CAMTA1: variants seen among roughly 807,000 people sequenced by gnomAD.
CAMTA1 encodes calmodulin-binding transcription activator 1.
A neutral mutation model predicts 170.9 loss-of-function variants in CAMTA1; 27 were observed. The observed-to-expected ratio is 0.16, with a 90% CI of 0.12 to 0.22. CAMTA1 has a LOEUF of 0.22. Among genes scored for constraint, CAMTA1 ranks in the 10% least tolerant of loss-of-function variants. The probability of loss-of-function intolerance (pLI) is 1.00; values close to 1 mark genes in which losing one functional copy is unlikely to be tolerated. For synonymous variants in CAMTA1, 833 were observed against 891.5 expected (o/e 0.93, Z 1.17); for missense variants, 1,619 against 2,217.2 (o/e 0.73, Z 5.42).
At position 7,007,710 on chromosome 1, in the gene CAMTA1, C is replaced by G. The variant is rs112753416; in HGVS notation, c.235-83594C>G. On this transcript the variant is annotated intron_variant, in intron 3 of 22. Transcript: ENST00000303635. This position sits in a 1 kb window ranked among gnomAD's most constrained non-coding sequence, Gnocchi z 4.5. ...CTGAAAGGACCCCCTGTGGGGCTCCCGGGGCGTCGCTTCTGCCTCTTCCAG... is the reference window on the plus strand; with the variant it reads ...CTGAAAGGACCCCCTGTGGGGCTCCGGGGGCGTCGCTTCTGCCTCTTCCAG... Among the ~76,000 whole-genome samples the G allele has an allele frequency of 6.6e-6, 1 of 152,124 alleles. No individual in the cohort carries two copies.
intron 4 of CAMTA1, among the ~76,000 whole-genome samples, chr1:7,207,295 C>T (rs896280026): frequency 6.6e-6 from 1 of 152,134 alleles, no homozygotes; most frequent in African/African-American, 2.4e-5. Flanking sequence ...TAGGTGATAT[C>T]GCTGGATAAC....
chr1:7,454,763 T>G (rs966153801), intron 5 of CAMTA1, among the ~76,000 whole-genome samples: 69 of 152,130 alleles, frequency 4.5e-4, no homozygotes, highest in African/African-American at 1.7e-3. Flanking sequence ...GGTCTGAGGG[T>G]GCAGAGCTCC....
At position 7,122,073 on chromosome 1, in the gene CAMTA1, A is replaced by G. The variant is rs919959759; in HGVS notation, c.302+30702A>G. 3.3e-5 allele frequency among the ~76,000 whole-genome samples: 5 copies of G among 152,000 alleles called. No individual in the cohort carries two copies. In the East Asian group the frequency reaches 9.7e-4, roughly 29 times the overall value. On this transcript the variant is annotated intron_variant, in intron 4 of 22. Coordinates refer to ENST00000303635, the MANE Select transcript of CAMTA1 (RefSeq NM_015215.4). The stretch of plus-strand genomic sequence containing the variant: ...GATGGGCTTGAGGCTGTTTCCGGGA[A>G]AGGCCATGGAGTGTTCTGGGCTCTG...
chr1:7,349,994 A>G (rs542120776), intron 5 of CAMTA1, among the ~76,000 whole-genome samples: 1 of 152,236 alleles, frequency 6.6e-6, no homozygotes, highest in East Asian at 1.9e-4. Context: ...TTGGGCTCAC[A>G]CTGGGCTCTC....
intron 4 of CAMTA1, among the ~76,000 whole-genome samples, chr1:7,212,718 C>T (rs577326382): frequency 6.6e-6 from 1 of 152,288 alleles, no homozygotes; most frequent in South Asian, 2.1e-4. Flanking sequence ...CCCTCACCTC[C>T]GGGGTGCTGC....
intron 5 of CAMTA1, among the ~76,000 whole-genome samples, chr1:7,318,682 A>G (rs1677905527): frequency 6.6e-6 from 1 of 152,202 alleles, no homozygotes; most frequent in South Asian, 2.1e-4. Flanking sequence ...AGGATGACAT[A>G]AAATGTTGCA....
chr1:7,374,062 CG>C (rs759542889), intron 5 of CAMTA1, among the ~76,000 whole-genome samples: 2 of 152,202 alleles, frequency 1.3e-5, no homozygotes, highest in Non-Finnish European at 2.9e-5. Flanking sequence ...CCTGCCTCCC[CG>C]CCTCACTGGC....
Position 7,741,892 on chromosome 1 carries a change from C to T in CAMTA1, c.4183-2943C>T, listed in dbSNP as rs576931009. 3.5e-3 allele frequency among the ~76,000 whole-genome samples: 523 copies of T among 151,524 alleles called. 4 individuals carry two copies. Among genetic ancestry groups the T allele is most frequent in the African/African-American group, 0.012 (498 of 41,370 alleles). ...GACCTTGTGATCTGCCTGCCTCCACCTCCCAAAGTGCTGGGATTACAGGTG... is the reference window on the plus strand; with the variant it reads ...GACCTTGTGATCTGCCTGCCTCCACTTCCCAAAGTGCTGGGATTACAGGTG... On this transcript the variant is annotated intron_variant, in intron 16 of 22. Transcript: ENST00000303635.
chr1:6,926,406 CCT>C (rs112410798), intron 3 of CAMTA1, among the ~76,000 whole-genome samples: 7,263 of 144,606 alleles, frequency 0.05, 197 homozygotes, highest in Middle Eastern at 0.087. Context: ...CTCCCTCCCT[CCT>C]CTCTCTTTTC....
At chr1:7,101,351 G>A (rs1037692768) in intron 4 of CAMTA1, among the ~76,000 whole-genome samples, 2 of 152,194 alleles carry the variant, frequency 1.3e-5, no homozygotes, top group Non-Finnish European at 1.5e-5. Context: ...TATGAGATAG[G>A]AAGGCGAGTT....
Position 7,456,125 on chromosome 1 carries a change from G to A in CAMTA1, c.439-11705G>A, listed in dbSNP as rs1165799271. ...GCTTAATGCAGGCAGACCTGGTGAA[G>A]GGTGAGGGGGTACCCATAACAGAGG... On this transcript the variant is annotated intron_variant, in intron 5 of 22. Coordinates refer to ENST00000303635, the MANE Select transcript of CAMTA1 (RefSeq NM_015215.4). This position sits in a 1 kb window ranked among gnomAD's most constrained non-coding sequence, Gnocchi z 4.9. Among the ~76,000 whole-genome samples, 1 of 152,092 alleles carries A rather than the reference G, an allele frequency of 6.6e-6. No homozygotes were observed. Among genetic ancestry groups the A allele is most frequent in the Non-Finnish European group, 1.5e-5 (1 of 68,028 alleles).
intron 5 of CAMTA1, among the ~76,000 whole-genome samples, chr1:7,319,302 C>T (rs1235905051): frequency 6.6e-6 from 1 of 152,002 alleles, no homozygotes; most frequent in Non-Finnish European, 1.5e-5. Context: ...GGAGAGGGGG[C>T]CTGGTGGGAG....
At chr1:7,506,334 C>A (rs1350217812) in intron 6 of CAMTA1, among the ~76,000 whole-genome samples, 1 of 152,164 alleles carries the variant, frequency 6.6e-6, no homozygotes, top group Non-Finnish European at 1.5e-5. Flanking sequence ...TGCCCTGGAG[C>A]CCCGGCCCCA....
At chr1:7,239,896 G>A (rs1474374810) in intron 4 of CAMTA1, among the ~76,000 whole-genome samples, 1 of 151,528 alleles carries the variant, frequency 6.6e-6, no homozygotes, top group Admixed American at 6.6e-5. Flanking sequence ...AGAGGAGGAG[G>A]GGGCCACCAG....
chr1:7,009,471 C>T (rs1272001552), intron 3 of CAMTA1, among the ~76,000 whole-genome samples: 2 of 152,172 alleles, frequency 1.3e-5, no homozygotes, highest in Admixed American at 6.5e-5. Flanking sequence ...TGTCCCTGTC[C>T]GGCCCCCTCT....
In CAMTA1 at chr1:6,934,972, T is replaced by C. The variant is rs991152702; in HGVS notation, c.234+109762T>C. ...AGCAACAGATTTCCCTGCAATATGT[T>C]ACAAGGGGAAGAAAAGACTATTGGG... is the stretch of plus-strand genomic sequence containing the variant. On this transcript the variant is annotated intron_variant, in intron 3 of 22. Coordinates refer to ENST00000303635, the MANE Select transcript of CAMTA1 (RefSeq NM_015215.4). The surrounding 1 kb of genome is among the most constrained non-coding windows in gnomAD (Gnocchi z 4.5). 2.0e-5 allele frequency among the ~76,000 whole-genome samples: 3 copies of C among 152,174 alleles called. No individual in the cohort carries two copies. Among genetic ancestry groups the C allele is most frequent in the African/African-American group, 7.2e-5 (3 of 41,424 alleles).
At chr1:7,672,038 C>T in intron 10 of CAMTA1, 1 of 456,202 alleles carries the variant, frequency 2.2e-6, no homozygotes, top group South Asian at 1.5e-5. Context: ...CCTTGGCTGC[C>T]CCATCTCATC....
chr1:7,039,114 C>G (rs1305585854), intron 3 of CAMTA1, among the ~76,000 whole-genome samples: 1 of 152,200 alleles, frequency 6.6e-6, no homozygotes. Flanking sequence ...CAAACCACTT[C>G]TGGTGGTAAT....
intron 1 of CAMTA1, among the ~76,000 whole-genome samples, chr1:6,812,808 G>GTT (rs1645338980): frequency 6.6e-6 from 1 of 152,140 alleles, no homozygotes; most frequent in Non-Finnish European, 1.5e-5. Context: ...CATAAATCTG[G>GTT]CTTGATATAT....
Sources: allele counts gnomAD v4.1 joint callset (sites outside exome capture counted in the v4.1 genomes callset), GRCh38; gene constraint gnomAD v4.1.1; non-coding constraint Gnocchi (gnomAD v3.1); transcripts MANE v1.5; gene names NCBI Gene and HGNC (gene_info 2026-07-23, HGNC 2026-07-21).